TGFB2: variants seen among roughly 807,000 people sequenced by gnomAD.
TGFB2 encodes the protein transforming growth factor beta-2 proprotein.
A neutral mutation model predicts 42.7 loss-of-function variants in TGFB2; 13 were observed. That is an observed-to-expected ratio of 0.30 (90% CI 0.20 to 0.48). The LOEUF (loss-of-function observed/expected upper bound fraction) is 0.48, where lower values mean the gene tolerates loss of function less well. Among genes scored for constraint, TGFB2 ranks in the 20% least tolerant of loss-of-function variants. The pLI is 0.99. For missense variants in TGFB2, 390 were observed against 517.5 expected (o/e 0.75, Z 2.39); for synonymous variants, 193 against 193.6 (o/e 1.00, Z 0.03).
At chr1:218,388,909 G>A (rs1213136801) in intron 1 of TGFB2, among the ~76,000 whole-genome samples, 3 of 152,156 alleles carry the variant, frequency 2.0e-5, no homozygotes, top group Admixed American at 6.5e-5. Context: ...CTCAGAATTG[G>A]CCTTCTCAGC....
At chr1:218,362,880 G>C (rs1571836338) in intron 1 of TGFB2, among the ~76,000 whole-genome samples, 1 of 152,104 alleles carries the variant, frequency 6.6e-6, no homozygotes, top group African/African-American at 2.4e-5. Flanking sequence ...TTTCACATGC[G>C]GGTTAGAAAT....
Position 218,346,468 on chromosome 1 carries a change from C to G in TGFB2, c.-234C>G. On this transcript the variant is annotated 5_prime_UTR_variant, in exon 1 of 7. Coordinates refer to ENST00000366930, the MANE Select transcript of TGFB2 (RefSeq NM_003238.6). The surrounding 1 kb of genome is among the most constrained non-coding windows in gnomAD (Gnocchi z 4.9). The stretch of plus-strand genomic sequence containing the variant: ...CGCCAAAGTCAGGGTTCCCTCTGCC[C>G]GTCCCGTATTAATATTTCCACTTTT... 4.4e-6 allele frequency: 2 copies of G among 454,666 alleles called. No homozygotes were observed. The highest frequency in any genetic ancestry group is 3.9e-5 in the East Asian group (1 of 25,882). The allele number at this position is 454,666 out of a possible 1,614,324, so 28.2% of individuals were successfully genotyped here. A position where few individuals can be genotyped will look rare whatever the true frequency, so the allele number is the denominator to read the frequency against.
chr1:218,374,388 AC>A (rs1310560679), intron 1 of TGFB2, among the ~76,000 whole-genome samples: 1 of 152,204 alleles, frequency 6.6e-6, no homozygotes, highest in Non-Finnish European at 1.5e-5. Context: ...GCACATATGT[AC>A]CATAACAGAA....
chr1:218,372,439 T>C (rs141934908), intron 1 of TGFB2, among the ~76,000 whole-genome samples: 224 of 152,312 alleles, frequency 1.5e-3, no homozygotes, highest in Middle Eastern at 6.8e-3. Flanking sequence ...CTGGTCTGTG[T>C]TGTTTGTTTT....
In TGFB2 at chr1:218,405,348, T is replaced by TGTTGTA. The variant is rs1456052757; in HGVS notation, c.510+21_510+22insAGTTGT. On this transcript the variant is annotated intron_variant, in intron 2 of 6. Transcript: ENST00000366930. The stretch of plus-strand genomic sequence containing the variant: ...GCTATATCAGGTAATGTTCATTTGT[T>TGTTGTA]GTTGTTGTTGTTGTTGTTGTTGTTG... 2 of 1,603,492 alleles carry TGTTGTA rather than the reference T, an allele frequency of 1.2e-6. No homozygotes were observed. The highest frequency in any genetic ancestry group is 4.5e-5 in the East Asian group (2 of 44,708).
chr1:218,435,615 T>G (rs2102628060), intron 4 of TGFB2, among the ~76,000 whole-genome samples: 1 of 152,342 alleles, frequency 6.6e-6, no homozygotes, highest in Middle Eastern at 3.4e-3. Flanking sequence ...TGTGTTCAGT[T>G]GTTGAGGGCT....
At position 218,405,569 on chromosome 1, in the gene TGFB2, G is replaced by A. The variant is rs112108674; in HGVS notation, c.510+237G>A. On this transcript the variant is annotated intron_variant, in intron 2 of 6. Transcript: ENST00000366930. ...CTTTTTTTAGATACGAGGTCTCACC[G>A]TGTTGCCCTGGCTGATCTGGAACTC... 41 of 574,266 alleles carry A rather than the reference G, an allele frequency of 7.1e-5. 1 individual carries two copies. The highest frequency in any genetic ancestry group is 3.2e-4 in the African/African-American group (17 of 53,730). 35.6% of individuals were successfully genotyped at this position (574,266 alleles called of 1,614,324 possible). A position where few individuals can be genotyped will look rare whatever the true frequency, so the allele number is the denominator to read the frequency against.
At chr1:218,438,842 C>T (rs1017346211) in intron 6 of TGFB2, among the ~76,000 whole-genome samples, 7 of 152,166 alleles carry the variant, frequency 4.6e-5, no homozygotes, top group African/African-American at 1.7e-4. Context: ...GGCGCAGTGA[C>T]TCATGCCTGT....
intron 1 of TGFB2, among the ~76,000 whole-genome samples, chr1:218,398,855 G>C (rs961273790): frequency 3.3e-5 from 5 of 152,162 alleles, no homozygotes; most frequent in Non-Finnish European, 7.3e-5. Flanking sequence ...ACAGTGGTGG[G>C]ATTACAGGCG....
chr1:218,402,344 T>C (rs1316277981), intron 1 of TGFB2, among the ~76,000 whole-genome samples: 1 of 152,190 alleles, frequency 6.6e-6, no homozygotes, highest in Non-Finnish European at 1.5e-5. Context: ...TGCCAATGTA[T>C]AGGAAGCCCA....
intron 1 of TGFB2, among the ~76,000 whole-genome samples, chr1:218,404,255 G>C (rs1390545148): frequency 6.6e-6 from 1 of 152,150 alleles, no homozygotes; most frequent in East Asian, 1.9e-4. Flanking sequence ...TGGGATTACA[G>C]GTGCGCGCCA....
At chr1:218,386,024 T>C (rs1202622355) in intron 1 of TGFB2, among the ~76,000 whole-genome samples, 5 of 152,180 alleles carry the variant, frequency 3.3e-5, no homozygotes, top group Admixed American at 6.5e-5. Context: ...CTCGCAGGGA[T>C]GTTGCTTGAA....
In TGFB2 at chr1:218,391,155, G is replaced by A. The variant is rs139761577; in HGVS notation, c.347-14014G>A. 1.4e-4 allele frequency among the ~76,000 whole-genome samples: 21 copies of A among 152,336 alleles called. No individual in the cohort carries two copies. The East Asian group carries it at 3.5e-3, about 25-fold the overall frequency. ...ATTCCTCAGAGTGCTGATTAATAGA[G>A]GATGGGCATTCTGGGCTAAGGTGGG... is the stretch of plus-strand genomic sequence containing the variant. On this transcript the variant is annotated intron_variant, in intron 1 of 6. Coordinates refer to ENST00000366930, the MANE Select transcript of TGFB2 (RefSeq NM_003238.6).
At chr1:218,368,214 G>A (rs745466132) in intron 1 of TGFB2, among the ~76,000 whole-genome samples, 13 of 151,388 alleles carry the variant, frequency 8.6e-5, no homozygotes, top group Non-Finnish European at 1.9e-4. Context: ...GCGTGATCTC[G>A]GCTCACTGCG....
chr1:218,439,062 C>T (rs1282973692), intron 6 of TGFB2, among the ~76,000 whole-genome samples: 3 of 146,982 alleles, frequency 2.0e-5, no homozygotes, highest in Admixed American at 6.9e-5. Context: ...GAGCCGAGAT[C>T]GCACCACTGC....
chr1:218,380,463 T>G (rs916621109), intron 1 of TGFB2, among the ~76,000 whole-genome samples: 1 of 152,328 alleles, frequency 6.6e-6, no homozygotes, highest in African/African-American at 2.4e-5. Flanking sequence ...TGTTTTTTTT[T>G]TCCTAGCTAA....
At chr1:218,384,450 G>T (rs1263254175) in intron 1 of TGFB2, among the ~76,000 whole-genome samples, 1 of 152,200 alleles carries the variant, frequency 6.6e-6, no homozygotes, top group Non-Finnish European at 1.5e-5. Flanking sequence ...ACTAAAAGTG[G>T]TTCATTACAA....
At chr1:218,366,696 A>G (rs1190282826) in intron 1 of TGFB2, among the ~76,000 whole-genome samples, 1 of 152,226 alleles carries the variant, frequency 6.6e-6, no homozygotes, top group African/African-American at 2.4e-5. Flanking sequence ...CAGAGCTGCC[A>G]AGTCAGAATC....
At chr1:218,426,135 T>A (rs563686322) in intron 2 of TGFB2, among the ~76,000 whole-genome samples, 2 of 152,188 alleles carry the variant, frequency 1.3e-5, no homozygotes, top group Non-Finnish European at 2.9e-5. Context: ...ATAGTTAAAT[T>A]CCCTTTGCAT....
Sources: gnomAD v4.1 joint callset for allele counts (sites outside exome capture counted in the v4.1 genomes callset) on GRCh38, gnomAD v4.1.1 for gene constraint, Gnocchi (gnomAD v3.1) non-coding constraint, MANE v1.5 for transcripts, NCBI Gene and HGNC (gene_info 2026-07-23, HGNC 2026-07-21) for gene names.